Variants in SOCS7 observed in about 807,000 individuals in gnomAD.
SOCS7 encodes the protein NAP-4.
SOCS7 carries 18 observed loss-of-function variants against 58.9 expected under a neutral mutation model. That is an observed-to-expected ratio of 0.31 (90% CI 0.21 to 0.45). The LOEUF is 0.45. Ranked by LOEUF, SOCS7 falls within the 20% of genes least tolerant of loss-of-function variation. The probability of loss-of-function intolerance (pLI) is 1.00; values close to 1 mark genes in which losing one functional copy is unlikely to be tolerated. For missense variants in SOCS7, 667 were observed against 837.3 expected, an observed-to-expected ratio of 0.80 and a Z score of 2.51; for synonymous variants, 388 against 364.3, an observed-to-expected ratio of 1.06 and a Z score of -0.74.
intron 7 of SOCS7, among the ~76,000 whole-genome samples, chr17:38,384,271 A>G (rs944149399): frequency 1.3e-5 from 2 of 152,068 alleles, no homozygotes; most frequent in African/African-American, 4.8e-5. Context: ...TCTTCATTGC[A>G]TATTAGTGTT....
intron 6 of SOCS7, among the ~76,000 whole-genome samples, chr17:38,377,089 G>A (rs1286212447): frequency 6.6e-6 from 1 of 152,112 alleles, no homozygotes; most frequent in African/African-American, 2.4e-5. Flanking sequence ...GCCTAATGAT[G>A]CATTTCTCTG....
rs997947202 is a variant in SOCS7, at chr17:38,402,253, G to A, written c.*2771G>A. 37 of 152,618 alleles carry A rather than the reference G, an allele frequency of 2.4e-4. No homozygotes were observed. Among genetic ancestry groups the A allele is most frequent in the African/African-American group, 6.8e-4 (28 of 41,446 alleles). The allele number at this position is 152,618 out of a possible 1,614,324, so 9.5% of individuals were successfully genotyped here. The stretch of plus-strand genomic sequence containing the variant: ...AGGTGTGGGTGTTTGGTGCCTGCAT[G>A]GGTGGCCTTGCACAGAGCAGTTAGG... On this transcript the variant is annotated 3_prime_UTR_variant, in exon 10 of 10. Coordinates refer to ENST00000612932, the MANE Select transcript of SOCS7 (RefSeq NM_014598.4).
intron 5 of SOCS7, among the ~76,000 whole-genome samples, chr17:38,367,602 G>C (rs967072685): frequency 6.6e-6 from 1 of 152,206 alleles, no homozygotes; most frequent in Non-Finnish European, 1.5e-5. Context: ...TCGAACTCCT[G>C]ACCTCAAGTG....
chr17:38,404,717 C>T lies in SOCS7; in HGVS notation c.*5235C>T, dbSNP rs2038367942. 6.6e-6 allele frequency: 1 copy of T among 152,278 alleles called. No individual in the cohort carries two copies. Among genetic ancestry groups the T allele is most frequent in the Non-Finnish European group, 1.5e-5 (1 of 68,088 alleles). The allele number at this position is 152,278 out of a possible 1,614,324, so 9.4% of individuals were successfully genotyped here. A position where few individuals can be genotyped will look rare whatever the true frequency, so the allele number is the denominator to read the frequency against. On this transcript the variant is annotated 3_prime_UTR_variant, in exon 10 of 10. Coordinates refer to ENST00000612932, the MANE Select transcript of SOCS7 (RefSeq NM_014598.4). ...CACACTGCCCCGCTCAGAGTTTCGT[C>T]CTGAGCTCCCTAACCAGCTCAGGTG...
intron 7 of SOCS7, among the ~76,000 whole-genome samples, chr17:38,382,142 G>T (rs537069185): frequency 4.0e-5 from 6 of 150,746 alleles, no homozygotes; most frequent in Non-Finnish European, 7.4e-5. Context: ...AAAAAATCAT[G>T]CTTTGATCAG....
intron 7 of SOCS7, among the ~76,000 whole-genome samples, chr17:38,393,272 T>A (rs981208692): frequency 1.3e-5 from 2 of 152,198 alleles, no homozygotes; most frequent in African/African-American, 4.8e-5. Context: ...TTGTCAGTGA[T>A]CATGGAAAGG....
rs369848227 is a variant in SOCS7 at position 38,395,925 on chromosome 17, A to G, written c.1895A>G (p.Gln632Arg). 1 of 1,611,568 alleles carries G rather than the reference A, an allele frequency of 6.2e-7. No homozygotes were observed. The change falls in exon 9 of 10, where the codon CAG becomes CGG. Residue 632 changes from glutamine (Q) to arginine (R), a missense_variant. Physicochemically the swap from Gln to Arg is conservative, Grantham distance 43. Coordinates refer to ENST00000612932, the MANE Select transcript of SOCS7 (RefSeq NM_014598.4). ...GTATACCTGTCTCTAAAGGAAGCGC[A>G]GCTCATTTCCAAACAGAAGCAAGAG... is the stretch of plus-strand genomic sequence containing the variant. Reference protein sequence around the residue: ...EEVYLSLKEAQLISKQKQEVE... With the variant: ...EEVYLSLKEARLISKQKQEVE...
In SOCS7 at chr17:38,365,333, A is replaced by G. The variant is rs753718768; in HGVS notation, c.1176A>G (p.Thr392=). 3.7e-6 allele frequency: 6 copies of G among 1,612,694 alleles called. 1 individual carries two copies. The Admixed American group carries it at 6.7e-5, about 18-fold the overall frequency. The change falls in exon 4 of 10, where the codon ACA becomes ACG. Residue 392 remains threonine, a synonymous_variant. Transcript: ENST00000612932. ...ATGATATCAGTGGGACGCTGCCTAC[A>G]TCTGTCCTTGTGGCTCCGATGGGGT... The part of the protein sequence containing the change: ...LLDDISGTLP[T]SVLVAPMGSS...
rs751576566 is a variant in SOCS7, at chr17:38,352,652, G to A, written c.600G>A (p.Glu200=). Residue 200 remains glutamate, a synonymous_variant, in exon 1 of 10, where the codon GAG becomes GAA. Transcript: ENST00000612932. The surrounding 1 kb of genome is among the most constrained non-coding windows in gnomAD (Gnocchi z 5.5). ...AGACTAACAGCTGCTCGGAAGAGGA[G>A]CTCAGCAGCCCGGGTCGCGGAGGAG... ...SLETNSCSEE[E]LSSPGRGGGG... 4 of 1,549,926 alleles carry A rather than the reference G, an allele frequency of 2.6e-6. No homozygotes were observed. The African/African-American group carries it at 4.1e-5, about 16-fold the overall frequency.
rs923666545 is a variant in SOCS7, at chr17:38,403,979, A to G, written c.*4497A>G. 2 of 152,054 alleles carry G rather than the reference A, an allele frequency of 1.3e-5. No homozygotes were observed. Among genetic ancestry groups the G allele is most frequent in the African/African-American group, 2.4e-5 (1 of 41,410 alleles). The allele number at this position is 152,054 out of a possible 1,614,324, so 9.4% of individuals were successfully genotyped here. A position where few individuals can be genotyped will look rare whatever the true frequency, so the allele number is the denominator to read the frequency against. On this transcript the variant is annotated 3_prime_UTR_variant, in exon 10 of 10. Transcript: ENST00000612932. ...AAAACCTTTTTTATTAAAAAAAGAA[A>G]AAGAAAAAAAAAAGAAAGAAAAGTG...
At chr17:38,363,331 A>G (rs2037745003) in intron 2 of SOCS7, among the ~76,000 whole-genome samples, 1 of 151,972 alleles carries the variant, frequency 6.6e-6, no homozygotes, top group African/African-American at 2.4e-5. Flanking sequence ...TAGAACTTCC[A>G]CTGATGGCTT....
intron 7 of SOCS7, among the ~76,000 whole-genome samples, chr17:38,386,323 CA>C (rs548448434): frequency 9.0e-3 from 464 of 51,790 alleles, no homozygotes; most frequent in Middle Eastern, 0.018. Flanking sequence ...GGCTGTGTCT[CA>C]AAAAAAAAAA....
At chr17:38,396,207 A>G (rs1051749345) in intron 9 of SOCS7, among the ~76,000 whole-genome samples, 2 of 152,272 alleles carry the variant, frequency 1.3e-5, no homozygotes, top group African/African-American at 2.4e-5. Flanking sequence ...AAGACAAGAA[A>G]GTAGATTGCC....
At chr17:38,374,863 T>C (rs969060100) in intron 6 of SOCS7, among the ~76,000 whole-genome samples, 3 of 152,262 alleles carry the variant, frequency 2.0e-5, no homozygotes, top group African/African-American at 7.2e-5. Flanking sequence ...TGAGACTGCT[T>C]TTGAGTTATT....
At position 38,361,851 on chromosome 17, in the gene SOCS7, A is replaced by G. The variant is rs75312910; in HGVS notation, c.1045+76A>G. ...GAGACCTGTTGGGAAACACTTACAG[A>G]TGCATCACAGGGAGCTGTAGGCGTG... is the stretch of plus-strand genomic sequence containing the variant. On this transcript the variant is annotated intron_variant, in intron 2 of 9. Transcript: ENST00000612932. 1,416 of 1,027,752 alleles carry G rather than the reference A, an allele frequency of 1.4e-3. 28 individuals carry two copies. In the East Asian group the frequency reaches 0.027, roughly 20 times the overall value. 63.7% of individuals were successfully genotyped at this position (1,027,752 alleles called of 1,614,324 possible). A position where few individuals can be genotyped will look rare whatever the true frequency, so the allele number is the denominator to read the frequency against.
At position 38,361,706 on chromosome 17, in the gene SOCS7, C is replaced by A; in HGVS notation, c.981-5C>A. The A allele has an allele frequency of 6.2e-7, 1 of 1,612,376 alleles. No homozygotes were observed. Among genetic ancestry groups the A allele is most frequent in the Non-Finnish European group, 8.5e-7 (1 of 1,178,686 alleles). On this transcript the variant is annotated splice_region_variant and splice_polypyrimidine_tract_variant and intron_variant, in intron 1 of 9. Coordinates refer to ENST00000612932, the MANE Select transcript of SOCS7 (RefSeq NM_014598.4). The stretch of plus-strand genomic sequence containing the variant: ...CTATTCTCTCTCTGCTTTCTCACTC[C>A]CTAGGAAACCCAAGTTGACAAGAAC...
In SOCS7 at chr17:38,400,090, G is replaced by A. The variant is rs2038299269; in HGVS notation, c.*608G>A. The A allele has an allele frequency of 6.6e-6, 1 of 152,134 alleles. No individual in the cohort carries two copies. Among genetic ancestry groups the A allele is most frequent in the African/African-American group, 2.4e-5 (1 of 41,418 alleles). The allele number at this position is 152,134 out of a possible 1,614,324, so 9.4% of individuals were successfully genotyped here. A position where few individuals can be genotyped will look rare whatever the true frequency, so the allele number is the denominator to read the frequency against. On this transcript the variant is annotated 3_prime_UTR_variant, in exon 10 of 10. Transcript: ENST00000612932. The stretch of plus-strand genomic sequence containing the variant: ...GGTGGGTGGTCTCGAAAAGAATATT[G>A]GGCAAAACCTAGCCAATTGGCCTTA...
At chr17:38,370,374 C>T (rs371772520) in intron 6 of SOCS7, among the ~76,000 whole-genome samples, 82 of 152,188 alleles carry the variant, frequency 5.4e-4, no homozygotes, top group African/African-American at 1.8e-3. Context: ...GGGTCTCACC[C>T]TGCTGCCCAG....
rs1464642271 is a variant in SOCS7, at chr17:38,368,911, C to T, written c.1552+861C>T. On this transcript the variant is annotated intron_variant, in intron 6 of 9. Transcript: ENST00000612932. Reference sequence around the variant, plus strand: ...GTTGAGAGTTTGTGGGATCAACATGCTTTAGACTATCTGCCATTCTCCTAG... The same window carrying T: ...GTTGAGAGTTTGTGGGATCAACATGTTTTAGACTATCTGCCATTCTCCTAG... Among the ~76,000 whole-genome samples the T allele has an allele frequency of 3.9e-5, 6 of 152,168 alleles. No individual in the cohort carries two copies. The East Asian group carries it at 1.2e-3, about 29-fold the overall frequency.
Sources: gnomAD v4.1 joint callset for allele counts (sites outside exome capture counted in the v4.1 genomes callset) on GRCh38, gnomAD v4.1.1 for gene constraint, Gnocchi (gnomAD v3.1) non-coding constraint, MANE v1.5 for transcripts, NCBI Gene and HGNC (gene_info 2026-07-23, HGNC 2026-07-21) for gene names.